The following ZNF385D variants were observed in gnomAD, a reference collection of about 807,000 sequenced individuals.
ZNF385D encodes the protein zinc finger protein 659.
A neutral mutation model predicts 35.8 loss-of-function variants in ZNF385D; 15 were observed. The observed-to-expected ratio is 0.42, with a 90% CI of 0.28 to 0.64. ZNF385D has a LOEUF of 0.64. Among genes scored for constraint, ZNF385D ranks in the 30% least tolerant of loss-of-function variants. The probability of loss-of-function intolerance (pLI) is 0.23; values close to 1 mark genes in which losing one functional copy is unlikely to be tolerated. For synonymous variants in ZNF385D, 212 were observed against 186.8 expected (o/e 1.13, Z -1.10); for missense variants, 474 against 494.6 (o/e 0.96, Z 0.39).
chr3:22,148,442 C>A (rs1035940747), intron 3 of ZNF385D, among the ~76,000 whole-genome samples: 1 of 152,148 alleles, frequency 6.6e-6, no homozygotes, highest in African/African-American at 2.4e-5. Flanking sequence ...TTAATCCATT[C>A]ATGGAAAACC....
At chr3:21,818,462 T>G (rs2073252059) in intron 3 of ZNF385D, among the ~76,000 whole-genome samples, 1 of 152,204 alleles carries the variant, frequency 6.6e-6, no homozygotes, top group African/African-American at 2.4e-5. Flanking sequence ...AACTGGTTAT[T>G]AGATGATATT....
chr3:21,993,528 T>C (rs1453137613), intron 3 of ZNF385D, among the ~76,000 whole-genome samples: 2 of 152,258 alleles, frequency 1.3e-5, no homozygotes, highest in African/African-American at 4.8e-5. Context: ...TTCTGGATTT[T>C]AATCAATTTT....
At chr3:21,431,307 C>T (rs1452857054) in intron 5 of ZNF385D, among the ~76,000 whole-genome samples, 1 of 152,114 alleles carries the variant, frequency 6.6e-6, no homozygotes, top group Non-Finnish European at 1.5e-5. Context: ...AATTAGTAAA[C>T]CCTAAATGCT....
intron 3 of ZNF385D, among the ~76,000 whole-genome samples, chr3:21,840,528 G>C (rs187937321): frequency 1.9e-3 from 287 of 151,718 alleles, no homozygotes; most frequent in Middle Eastern, 3.4e-3. Flanking sequence ...CAATACTAAA[G>C]ATTTTGTGCT....
chr3:21,939,387 T>C (rs554761972), intron 3 of ZNF385D, among the ~76,000 whole-genome samples: 24 of 152,208 alleles, frequency 1.6e-4, no homozygotes, highest in Admixed American at 5.9e-4. Context: ...GTGGTGAAAA[T>C]GGAATCAAAA....
intron 3 of ZNF385D, among the ~76,000 whole-genome samples, chr3:22,088,538 C>G (rs1264656341): frequency 2.0e-5 from 3 of 152,152 alleles, no homozygotes; most frequent in Admixed American, 2.0e-4. Context: ...TTGCATGAGA[C>G]TTAAAAATGC....
chr3:21,982,168 T>C (rs557290129), intron 3 of ZNF385D, among the ~76,000 whole-genome samples: 9 of 151,612 alleles, frequency 5.9e-5, no homozygotes. Flanking sequence ...GTGGGCAGTA[T>C]AGCCATTTTA....
chr3:21,628,241 T>A (rs1246885356), intron 2 of ZNF385D, among the ~76,000 whole-genome samples: 1 of 152,054 alleles, frequency 6.6e-6, no homozygotes, highest in Non-Finnish European at 1.5e-5. Flanking sequence ...GGCTTTAAGG[T>A]GGCATTTCAT....
rs144570259 is a variant in ZNF385D at position 22,181,896 on chromosome 3, G to T, written c.107-12861C>A. ...ATGTGATCTTATTATGAGTTTCCCT[G>T]TGAAGAGGATCATGTGGCAAGGATC... On this transcript the variant is annotated intron_variant, in intron 2 of 5. Transcript: ENST00000494108. 4.4e-3 allele frequency among the ~76,000 whole-genome samples: 677 copies of T among 152,252 alleles called. 5 individuals carry two copies. Among genetic ancestry groups the T allele is most frequent in the Non-Finnish European group, 7.0e-3 (477 of 68,012 alleles).
chr3:21,626,310 A>C (rs1334913643), intron 2 of ZNF385D, among the ~76,000 whole-genome samples: 4 of 152,240 alleles, frequency 2.6e-5, no homozygotes, highest in Non-Finnish European at 5.9e-5. Context: ...GAGAGCTGCT[A>C]CTGTGCCAGA....
At chr3:21,892,313 C>T (rs1698910324) in intron 3 of ZNF385D, among the ~76,000 whole-genome samples, 1 of 152,258 alleles carries the variant, frequency 6.6e-6, no homozygotes, top group African/African-American at 2.4e-5. Context: ...GCTGGCTCAG[C>T]ACAGAAACCT....
At chr3:22,218,589 A>T (rs1698043811) in intron 2 of ZNF385D, among the ~76,000 whole-genome samples, 1 of 151,792 alleles carries the variant, frequency 6.6e-6, no homozygotes, top group Non-Finnish European at 1.5e-5. Flanking sequence ...GCACAGACCA[A>T]CTCCTTCAGC....
At chr3:21,718,992 C>T (rs575340779) in intron 1 of ZNF385D, among the ~76,000 whole-genome samples, 27 of 152,164 alleles carry the variant, frequency 1.8e-4, no homozygotes, top group South Asian at 1.2e-3. Context: ...AAATTTTAAG[C>T]GGCTACAAAT....
chr3:22,350,708 C>T (rs549695510), intron 2 of ZNF385D, among the ~76,000 whole-genome samples: 5 of 151,888 alleles, frequency 3.3e-5, no homozygotes, highest in East Asian at 1.9e-4. Context: ...TTTTCACATG[C>T]GATTATAACT....
intron 3 of ZNF385D, among the ~76,000 whole-genome samples, chr3:21,512,517 C>T (rs898878935): frequency 3.9e-5 from 6 of 152,170 alleles, no homozygotes; most frequent in African/African-American, 1.4e-4. Context: ...TCTTCATTTG[C>T]ATCATTCTAG....
chr3:21,829,402 G>A (rs1177036970), intron 3 of ZNF385D, among the ~76,000 whole-genome samples: 1 of 152,080 alleles, frequency 6.6e-6, no homozygotes, highest in African/African-American at 2.4e-5. Flanking sequence ...TAACAAGCTT[G>A]GCTATTTTAG....
chr3:22,272,036 T>C (rs1438833239), intron 2 of ZNF385D, among the ~76,000 whole-genome samples: 1 of 152,034 alleles, frequency 6.6e-6, no homozygotes, highest in Admixed American at 6.6e-5. Flanking sequence ...GCCGATATTT[T>C]TGGATAATGT....
chr3:22,155,387 T>C (rs908038556), intron 3 of ZNF385D, among the ~76,000 whole-genome samples: 1 of 152,008 alleles, frequency 6.6e-6, no homozygotes, highest in Admixed American at 6.6e-5. Context: ...ACTCTTAAGA[T>C]TTTTTTCTGG....
chr3:22,091,217 C>G (rs1434177884), intron 3 of ZNF385D, among the ~76,000 whole-genome samples: 3 of 152,108 alleles, frequency 2.0e-5, no homozygotes, highest in South Asian at 4.1e-4. Flanking sequence ...CACCAAGATT[C>G]CAGACATTTA....
Sources: gnomAD v4.1 joint callset for allele counts (sites outside exome capture counted in the v4.1 genomes callset) on GRCh38, gnomAD v4.1.1 for gene constraint, MANE v1.5 for transcripts, NCBI Gene and HGNC (gene_info 2026-07-23, HGNC 2026-07-21) for gene names.